Variants in HPD observed in about 807,000 individuals in gnomAD.
The protein encoded by HPD is 4-hydroxyphenylpyruvic acid oxidase.
In HPD, 35 loss-of-function variants were observed where a neutral mutation model predicts 56.9. The observed-to-expected ratio is 0.62, with a 90% CI of 0.47 to 0.82. HPD has a LOEUF of 0.82. Ranked by LOEUF, HPD falls within the 40% of genes least tolerant of loss-of-function variation. HPD has a pLI of 0.00. For synonymous variants in HPD, 186 were observed against 200.2 expected, an observed-to-expected ratio of 0.93 and a Z score of 0.60; for missense variants, 442 against 506.8, an observed-to-expected ratio of 0.87 and a Z score of 1.23.
Position 121,846,974 on chromosome 12 carries a change from T to C in HPD, c.760-41A>G, listed in dbSNP as rs139011128. 80 of 1,613,102 alleles carry C rather than the reference T, an allele frequency of 5.0e-5. No individual in the cohort carries two copies. The East Asian group carries it at 1.6e-3, about 32-fold the overall frequency. The stretch of plus-strand genomic sequence containing the variant: ...AAGGAGACCACTGTCATTTGCCCCA[T>C]CACCCACATCCCTGACCCTACAAGA... On this transcript the variant is annotated intron_variant, in intron 10 of 13. Coordinates refer to ENST00000289004, the MANE Select transcript of HPD (RefSeq NM_002150.3).
the HPD span, among the ~76,000 whole-genome samples, chr12:121,885,684 C>G: frequency 2.0e-5 from 3 of 151,540 alleles, no homozygotes; most frequent in Non-Finnish European, 4.4e-5. Flanking sequence ...GAAATTTGGC[C>G]AGGTGCGGTG....
chr12:121,884,888 ATATC>A, the HPD span, among the ~76,000 whole-genome samples: 4 of 151,996 alleles, frequency 2.6e-5, no homozygotes, highest in African/African-American at 9.7e-5. Flanking sequence ...CTACAAATAT[ATATC>A]TCTTTCTTTT....
chr12:121,874,914 A>G, the HPD span, among the ~76,000 whole-genome samples: 8 of 152,112 alleles, frequency 5.3e-5, no homozygotes, highest in East Asian at 1.6e-3. Context: ...GGCATGTGCC[A>G]CCACATCCGG....
chr12:121,862,558 A>G (rs373775783), upstream of HPD, among the ~76,000 whole-genome samples: 5 of 136,978 alleles, frequency 3.7e-5, no homozygotes, highest in East Asian at 6.5e-4. Flanking sequence ...CGGCCTCCCA[A>G]AGTGCTGGGA....
At chr12:121,879,930 A>G in the HPD span, among the ~76,000 whole-genome samples, 1 of 152,022 alleles carries the variant, frequency 6.6e-6, no homozygotes, top group Admixed American at 6.6e-5. Context: ...TGGGTGGATC[A>G]CTTGAGCCCA....
intron 9 of HPD, among the ~76,000 whole-genome samples, chr12:121,847,735 C>T (rs1353565015): frequency 6.6e-6 from 1 of 152,066 alleles, no homozygotes; most frequent in Non-Finnish European, 1.5e-5. Context: ...CAGTGTTTCA[C>T]TGTGTTGGTC....
intron 11 of HPD, 133 bp from the exon 12 acceptor site, chr12:121,843,965 T>C: frequency 1.1e-6 from 1 of 922,778 alleles, no homozygotes; most frequent in South Asian, 1.4e-5. Context: ...CTGTGTGGCC[T>C]CTTCCCCTTT....
At chr12:121,880,175 A>G in the HPD span, among the ~76,000 whole-genome samples, 36 of 151,298 alleles carry the variant, frequency 2.4e-4, no homozygotes, top group African/African-American at 7.8e-4. Context: ...AAAAAAAAAA[A>G]GAAAGGCTGT....
chr12:121,845,469 C>T lies in HPD; in HGVS notation c.831+1393G>A, dbSNP rs187670321. 3.5e-3 allele frequency among the ~76,000 whole-genome samples: 516 copies of T among 148,694 alleles called. 30 individuals carry two copies. The highest frequency in any genetic ancestry group is 8.3e-3 in the African/African-American group (321 of 38,678). On this transcript the variant is annotated intron_variant, in intron 11 of 13. Coordinates refer to ENST00000289004, the MANE Select transcript of HPD (RefSeq NM_002150.3). ...AAAAAACATTAGCTGGGCGTGGTGG[C>T]GGGTGCCTGTAGTCCCAGCTACTTG...
At position 121,846,852 on chromosome 12, in the gene HPD, G is replaced by T. The variant is rs1318035166; in HGVS notation, c.831+10C>A. The stretch of plus-strand genomic sequence containing the variant: ...GAGAGAGGAATTCGGACAGGGAAGG[G>T]GGTTCTAACCGCTGTGATGATGTCT... On this transcript the variant is annotated intron_variant, in intron 11 of 13. Coordinates refer to ENST00000289004, the MANE Select transcript of HPD (RefSeq NM_002150.3). 6.2e-7 allele frequency: 1 copy of T among 1,613,686 alleles called. No homozygotes were observed. Among genetic ancestry groups the T allele is most frequent in the Non-Finnish European group, 8.5e-7 (1 of 1,179,644 alleles).
the HPD span, among the ~76,000 whole-genome samples, chr12:121,873,427 C>T: frequency 2.6e-5 from 4 of 152,194 alleles, no homozygotes; most frequent in African/African-American, 4.8e-5. Flanking sequence ...TCCAGGGCCC[C>T]GGTAGGGCTG....
At chr12:121,881,158 A>G in the HPD span, among the ~76,000 whole-genome samples, 3 of 152,140 alleles carry the variant, frequency 2.0e-5, no homozygotes, top group Non-Finnish European at 4.4e-5. Flanking sequence ...AAATATTAAC[A>G]CCCTCACAGG....
At chr12:121,869,522 C>T in the HPD span, among the ~76,000 whole-genome samples, 1 of 150,828 alleles carries the variant, frequency 6.6e-6, no homozygotes, top group Non-Finnish European at 1.5e-5. Context: ...AATCCCTTAT[C>T]GAATATATTT....
intron 9 of HPD, among the ~76,000 whole-genome samples, chr12:121,847,844 T>C (rs539537071): frequency 2.0e-5 from 3 of 152,164 alleles, no homozygotes; most frequent in Admixed American, 6.5e-5. Context: ...GCCGTATTTT[T>C]TGTAGAGATG....
At position 121,840,061 on chromosome 12, in the gene HPD, CA is replaced by C. The variant is rs753062017; in HGVS notation, c.955-14del. On this transcript the variant is annotated splice_polypyrimidine_tract_variant and intron_variant, in intron 12 of 13. Coordinates refer to ENST00000289004, the MANE Select transcript of HPD (RefSeq NM_002150.3). ...GGATTTTCAGCTCCTAGGCGGGAGA[CA>C]GGGGGCTCTGCTAGGGGAGGCTGGC... 40 of 1,563,550 alleles carry C rather than the reference CA, an allele frequency of 2.6e-5. No homozygotes were observed. The South Asian group carries it at 4.0e-4, about 16-fold the overall frequency.
chr12:121,871,406 C>T, the HPD span, among the ~76,000 whole-genome samples: 1 of 152,050 alleles, frequency 6.6e-6, no homozygotes, highest in Admixed American at 6.6e-5. Flanking sequence ...TCAAATAGCC[C>T]TGTGCTCTGC....
the HPD span, among the ~76,000 whole-genome samples, chr12:121,871,950 G>A: frequency 3.3e-5 from 5 of 151,416 alleles, no homozygotes; most frequent in Admixed American, 6.6e-5. Flanking sequence ...ATGGAGTCTC[G>A]GGCTGGGCGC....
At chr12:121,856,169 GGCTTGTCACTGTGATGCAGCATCTGA>G (rs1442775175) in intron 6 of HPD, 129 bp downstream of exon 6, 23 of 714,390 alleles carry the variant, frequency 3.2e-5, no homozygotes, top group East Asian at 1.6e-4. Context: ...GCAGCATCTG[GGCTTGTCACTGTGATGCAGCATCTGA>G]GCTTGTCACT....
chr12:121,856,505 A>G, intron 5 of HPD, 78 bp downstream of exon 5: 2 of 1,596,548 alleles, frequency 1.3e-6, no homozygotes, highest in South Asian at 2.2e-5. Flanking sequence ...GAGCCCACCC[A>G]CGGAGCCATG....
Sources: gnomAD v4.1 joint callset for allele counts (sites outside exome capture counted in the v4.1 genomes callset) on GRCh38, gnomAD v4.1.1 for gene constraint, MANE v1.5 for transcripts, NCBI Gene and HGNC (gene_info 2026-07-23, HGNC 2026-07-21) for gene names.